The following ZNF568 variants were observed in gnomAD, a reference collection of about 807,000 sequenced individuals.
The protein encoded by ZNF568 is zinc finger protein 568.
Under a neutral mutation model 18.1 loss-of-function variants are expected in ZNF568, and 11 were observed. That is an observed-to-expected ratio of 0.61 (90% CI 0.38 to 1.00). The LOEUF (loss-of-function observed/expected upper bound fraction) is 1.00, where lower values mean the gene tolerates loss of function less well. Ranked by LOEUF, ZNF568 falls within the 50% of genes least tolerant of loss-of-function variation. The pLI is 0.01. For synonymous variants in ZNF568, 213 were observed against 246.6 expected (o/e 0.86, Z 1.28); for missense variants, 639 against 768.2 (o/e 0.83, Z 1.99).
At chr19:36,934,483 A>G (rs982855091) in intron 4 of ZNF568, among the ~76,000 whole-genome samples, 1 of 151,204 alleles carries the variant, frequency 6.6e-6, no homozygotes, top group Non-Finnish European at 1.5e-5. Context: ...ACCACGCCCT[A>G]CTAAGTTTTT....
At chr19:36,920,170 G>A (rs932891334) in intron 2 of ZNF568, among the ~76,000 whole-genome samples, 17 of 151,882 alleles carry the variant, frequency 1.1e-4, no homozygotes, top group African/African-American at 3.4e-4. Flanking sequence ...CTAGGCTAAT[G>A]GGTGTTTGTG....
intron 2 of ZNF568, among the ~76,000 whole-genome samples, chr19:36,921,388 G>A (rs2073452213): frequency 6.6e-6 from 1 of 151,974 alleles, no homozygotes; most frequent in Non-Finnish European, 1.5e-5. Flanking sequence ...TTAAACCCAG[G>A]AGGCGGAGGT....
downstream of ZNF568, chr19:36,980,232 GTTTTC>G (rs1375526862): frequency 6.6e-6 from 1 of 151,890 alleles, no homozygotes; most frequent in Non-Finnish European, 1.5e-5. Context: ...ATTTAATGCT[GTTTTC>G]TTTAATTTAT....
chr19:36,958,338 T>C (rs1159130857), intron 6 of ZNF568, among the ~76,000 whole-genome samples: 7 of 152,116 alleles, frequency 4.6e-5, no homozygotes, highest in Non-Finnish European at 1.5e-5. Context: ...GGGTAGAGAA[T>C]TGATAAACTT....
At chr19:36,948,657 G>GTTTTT (rs1568391851) in intron 6 of ZNF568, among the ~76,000 whole-genome samples, 2 of 42,574 alleles carry the variant, frequency 4.7e-5, no homozygotes, top group Admixed American at 2.4e-4. Flanking sequence ...TTTTGTTGTT[G>GTTTTT]ATTTTTTTTT....
intron 7 of ZNF568, among the ~76,000 whole-genome samples, chr19:36,975,273 G>A (rs552987322): frequency 6.3e-4 from 96 of 151,432 alleles, no homozygotes; most frequent in African/African-American, 2.1e-3. Context: ...TCAGCCTCCT[G>A]AGTAGCCGGG....
chr19:36,969,922 C>T (rs1365337480), intron 6 of ZNF568, among the ~76,000 whole-genome samples: 2 of 117,194 alleles, frequency 1.7e-5, no homozygotes, highest in Non-Finnish European at 1.8e-5. Context: ...ACCATCATGC[C>T]TGGCTAATTT....
At chr19:36,932,142 C>A (rs1179902284) in intron 4 of ZNF568, among the ~76,000 whole-genome samples, 6 of 152,128 alleles carry the variant, frequency 3.9e-5, no homozygotes, top group African/African-American at 7.2e-5. Context: ...AAATTTGATT[C>A]ATTTCCCCTT....
At chr19:36,974,265 C>T (rs1032035302) in intron 6 of ZNF568, among the ~76,000 whole-genome samples, 9 of 152,110 alleles carry the variant, frequency 5.9e-5, no homozygotes, top group Non-Finnish European at 1.3e-4. Context: ...CTAAGGTCAC[C>T]TGCATTTCTT....
chr19:36,937,719 T>A (rs1036276286), intron 6 of ZNF568, among the ~76,000 whole-genome samples: 2 of 152,212 alleles, frequency 1.3e-5, no homozygotes, highest in Admixed American at 6.5e-5. Context: ...CACTTCCCAT[T>A]GTGCTTCACA....
At chr19:36,919,936 C>G (rs579452) in intron 2 of ZNF568, among the ~76,000 whole-genome samples, 8 of 151,888 alleles carry the variant, frequency 5.3e-5, no homozygotes, top group African/African-American at 1.9e-4. Flanking sequence ...GGTTCATGTG[C>G]CTACTATACT....
At chr19:36,968,111 A>ACGT (rs2074207510) in intron 6 of ZNF568, among the ~76,000 whole-genome samples, 4 of 152,326 alleles carry the variant, frequency 2.6e-5, no homozygotes, top group Middle Eastern at 3.4e-3. Flanking sequence ...ACTGAAGAAT[A>ACGT]ATATGTATAT....
Position 36,925,401 on chromosome 19 carries a change from G to A in ZNF568, c.135+143G>A, listed in dbSNP as rs553833131. 11 of 723,658 alleles carry A rather than the reference G, an allele frequency of 1.5e-5. No individual in the cohort carries two copies. The African/African-American group carries it at 1.6e-4, about 11-fold the overall frequency. The allele number at this position is 723,658 out of a possible 1,614,324, so 44.8% of individuals were successfully genotyped here. Reference sequence around the variant, plus strand: ...ATACAGATAGAAAATCAGAACCTGGGGAAATTTGAGATATGGCTATGCAGA... The same window carrying A: ...ATACAGATAGAAAATCAGAACCTGGAGAAATTTGAGATATGGCTATGCAGA... On this transcript the variant is annotated intron_variant, in intron 4 of 6. Coordinates refer to ENST00000333987, the MANE Select transcript of ZNF568 (RefSeq NM_198539.4).
At chr19:36,935,294 G>A (rs751335371) in intron 4 of ZNF568, among the ~76,000 whole-genome samples, 1 of 152,076 alleles carries the variant, frequency 6.6e-6, no homozygotes, top group African/African-American at 2.4e-5. Flanking sequence ...GGGTTCGGGG[G>A]CTCACGTCTG....
chr19:36,994,669 G>A (rs2074454271), intron 4 of ZNF568, among the ~76,000 whole-genome samples: 1 of 151,970 alleles, frequency 6.6e-6, no homozygotes, highest in Non-Finnish European at 1.5e-5. Flanking sequence ...TCTGATTTGT[G>A]TGTTGTTGTT....
intron 4 of ZNF568, among the ~76,000 whole-genome samples, chr19:36,932,988 T>C (rs2073712620): frequency 6.6e-6 from 1 of 152,226 alleles, no homozygotes; most frequent in African/African-American, 2.4e-5. Flanking sequence ...CTTTTCACTT[T>C]CTTGATGATG....
intron 4 of ZNF568, among the ~76,000 whole-genome samples, chr19:36,930,948 G>A (rs1006389091): frequency 1.4e-4 from 22 of 152,144 alleles, no homozygotes; most frequent in Admixed American, 6.5e-5. Context: ...TTTTCAGTCA[G>A]AAATGTGTCA....
intron 6 of ZNF568, 145 bp from the exon 7 acceptor site, chr19:36,949,367 G>C: frequency 1.2e-6 from 1 of 862,036 alleles, no homozygotes; most frequent in Non-Finnish European, 1.7e-6. Flanking sequence ...TAGGAACTAG[G>C]AACATTTACT....
At chr19:36,968,608 G>C (rs1050959719) in intron 6 of ZNF568, among the ~76,000 whole-genome samples, 6 of 150,506 alleles carry the variant, frequency 4.0e-5, no homozygotes, top group Non-Finnish European at 7.4e-5. Context: ...AGATTCATAT[G>C]GTCTGAAGTT....
Sources: gnomAD v4.1 joint callset for allele counts (sites outside exome capture counted in the v4.1 genomes callset) on GRCh38, gnomAD v4.1.1 for gene constraint, MANE v1.5 for transcripts, NCBI Gene and HGNC (gene_info 2026-07-23, HGNC 2026-07-21) for gene names.